The following DMRTC2 variants were observed in gnomAD, a reference collection of about 807,000 sequenced individuals.
The protein encoded by DMRTC2 is doublesex- and mab-3-related transcription factor C2.
Under a neutral mutation model 39.9 loss-of-function variants are expected in DMRTC2, and 13 were observed. The ratio of observed to expected loss-of-function variants is 0.33; its 90% CI spans 0.21 to 0.52. The LOEUF (loss-of-function observed/expected upper bound fraction) is 0.52, where lower values mean the gene tolerates loss of function less well. DMRTC2 is among the 20% of genes least tolerant of loss of function. DMRTC2 has a pLI of 0.96. For synonymous variants in DMRTC2, 189 were observed against 185.2 expected (o/e 1.02, Z -0.17); for missense variants, 431 against 472.8 (o/e 0.91, Z 0.82).
In DMRTC2 at chr19:41,851,938, CTGGGA is replaced by C. The variant is rs1487710837; in HGVS notation, c.*244_*248del. 1 of 526,014 alleles carries C rather than the reference CTGGGA, an allele frequency of 1.9e-6. No homozygotes were observed. The highest frequency in any genetic ancestry group is 3.4e-6 in the Non-Finnish European group (1 of 295,160). 32.6% of individuals were successfully genotyped at this position (526,014 alleles called of 1,614,324 possible). ...GATATTCTTGTACCCTTCTTGGGTC[CTGGGA>C]TCTCTTGAAATCCCCAATAAAGAGA... On this transcript the variant is annotated 3_prime_UTR_variant, in exon 9 of 9. Coordinates refer to ENST00000269945, the MANE Select transcript of DMRTC2 (RefSeq NM_001040283.3).
At chr19:41,846,577 T>A (rs980688173) in intron 1 of DMRTC2, among the ~76,000 whole-genome samples, 6 of 144,738 alleles carry the variant, frequency 4.1e-5, no homozygotes, top group Non-Finnish European at 7.9e-5. Flanking sequence ...AAAAAAAAAT[T>A]TTTTTTTTGA....
chr19:41,849,690 C>T (rs548776129), intron 6 of DMRTC2, among the ~76,000 whole-genome samples: 1 of 152,286 alleles, frequency 6.6e-6, no homozygotes, highest in South Asian at 2.1e-4. Context: ...GCCAAGCTCT[C>T]CTTCAAGTTC....
rs556723231 is a variant in DMRTC2, at chr19:41,849,975, G to T, written c.756-337G>T. ...ACCTGTTTTCCTGGCTACTTAGGAGGCTGAGGTGGGAAGATGGTGTAGGCC... is the reference window on the plus strand; with the variant it reads ...ACCTGTTTTCCTGGCTACTTAGGAGTCTGAGGTGGGAAGATGGTGTAGGCC... On this transcript the variant is annotated intron_variant, in intron 6 of 8. Transcript: ENST00000269945. Among the ~76,000 whole-genome samples, 4 of 152,162 alleles carry T rather than the reference G, an allele frequency of 2.6e-5. No homozygotes were observed. In the South Asian group the frequency reaches 8.3e-4, roughly 32 times the overall value.
chr19:41,848,993 C>A lies in DMRTC2; in HGVS notation c.628+18C>A. The A allele has an allele frequency of 6.2e-7, 1 of 1,613,882 alleles. No individual in the cohort carries two copies. Among genetic ancestry groups the A allele is most frequent in the Non-Finnish European group, 8.5e-7 (1 of 1,179,782 alleles). ...CTTCCCTGGTAAGATGATAATTCAACATTCATTCAACATATATTTGAGTGC... is the reference window on the plus strand; with the variant it reads ...CTTCCCTGGTAAGATGATAATTCAAAATTCATTCAACATATATTTGAGTGC... On this transcript the variant is annotated intron_variant, in intron 5 of 8. Transcript: ENST00000269945.
rs371124095 is a variant in DMRTC2, at chr19:41,851,818, T to G, written c.*122T>G. ...TTAATGTAGTACAAGCTTCGGGCTT[T>G]TTTGTTTGTTTGTTTGTTTGTTTGT... On this transcript the variant is annotated 3_prime_UTR_variant, in exon 9 of 9. Transcript: ENST00000269945. 192 of 853,450 alleles carry G rather than the reference T, an allele frequency of 2.2e-4. 5 individuals carry two copies. In the African/African-American group the frequency reaches 3.1e-3, roughly 14 times the overall value. The allele number at this position is 853,450 out of a possible 1,614,324, so 52.9% of individuals were successfully genotyped here.
intron 3 of DMRTC2, 84 bp from the exon 4 acceptor site, chr19:41,848,368 G>A (rs1555836484): frequency 2.5e-6 from 3 of 1,178,898 alleles, no homozygotes; most frequent in African/African-American, 1.6e-5. Context: ...TGAGCTAGAT[G>A]GGGGAGATGA....
At chr19:41,848,578 C>T (rs376890739) in intron 4 of DMRTC2, 50 bp downstream of exon 4, 76 of 1,413,830 alleles carry the variant, frequency 5.4e-5, no homozygotes, top group Non-Finnish European at 6.6e-5. Flanking sequence ...TAGTTCCTAC[C>T]CAGACCCTTT....
At chr19:41,851,477 A>G (rs2073955840) in intron 8 of DMRTC2, 107 bp from the exon 9 acceptor site, 1 of 917,154 alleles carries the variant, frequency 1.1e-6, no homozygotes, top group Non-Finnish European at 1.7e-6. Flanking sequence ...CTGTGAAATA[A>G]TCCAGGAGAA....
intron 6 of DMRTC2, 168 bp from the exon 7 acceptor site, chr19:41,850,144 C>CA: frequency 1.9e-6 from 1 of 530,846 alleles, no homozygotes; most frequent in Admixed American, 3.1e-5. Flanking sequence ...GAAAAACTGG[C>CA]AAGGATTTTT....
intron 1 of DMRTC2, among the ~76,000 whole-genome samples, chr19:41,846,789 G>A (rs560233662): frequency 1.0e-3 from 155 of 151,874 alleles, no homozygotes; most frequent in Middle Eastern, 3.4e-3. Flanking sequence ...GGATGGTCTC[G>A]ATCTCCTGAC....
Position 41,848,928 on chromosome 19 carries a change from G to T in DMRTC2, c.581G>T (p.Cys194Phe). 3 of 1,613,904 alleles carry T rather than the reference G, an allele frequency of 1.9e-6. No individual in the cohort carries two copies. Among genetic ancestry groups the T allele is most frequent in the Non-Finnish European group, 2.5e-6 (3 of 1,180,050 alleles). ...TTCTCCATGCCACCACCAGTGGTGT[G>T]CCGCCTGCTGTACCAAGAACCTGCT... ...PGFSMPPPVV[C>F]RLLYQEPAVS... Residue 194 changes from cysteine (C) to phenylalanine (F), a missense_variant, in exon 5 of 9, where the codon TGC (cysteine) becomes TTC (phenylalanine). Physicochemically the swap from Cys to Phe is radical, Grantham distance 205. Coordinates refer to ENST00000269945, the MANE Select transcript of DMRTC2 (RefSeq NM_001040283.3).
Position 41,847,537 on chromosome 19 carries a change from A to G in DMRTC2, c.109A>G (p.Ser37Gly), listed in dbSNP as rs781914367. The change falls in exon 2 of 9, where the codon AGC becomes GGC. Residue 37 changes from serine to glycine, a missense_variant. Transcript: ENST00000269945. Reference protein sequence around the residue: ...STELIPRRAISRSPTCARCRN... With the variant: ...STELIPRRAIGRSPTCARCRN... ...AGAGCTGATCCCCAGGAGAGCCATC[A>G]GCCGCTCTCCAACCTGCGCCCGCTG... 22 of 1,614,098 alleles carry G rather than the reference A, an allele frequency of 1.4e-5. No individual in the cohort carries two copies. The highest frequency in any genetic ancestry group is 1.9e-5 in the Non-Finnish European group (22 of 1,180,040).
At chr19:41,851,427 G>A (rs1405166525) in intron 8 of DMRTC2, 157 bp from the exon 9 acceptor site, 1 of 625,908 alleles carries the variant, frequency 1.6e-6, no homozygotes, top group Non-Finnish European at 2.8e-6. Flanking sequence ...GGACGGTTTG[G>A]AGGAGGCAAG....
intron 3 of DMRTC2, 30 bp from the exon 4 acceptor site, chr19:41,848,422 C>T: frequency 6.4e-7 from 1 of 1,573,444 alleles, no homozygotes; most frequent in Non-Finnish European, 8.6e-7. Flanking sequence ...GGAGAAAGGG[C>T]TCATTAGAGC....
intron 1 of DMRTC2, 196 bp from the exon 2 acceptor site, chr19:41,847,229 G>C: frequency 1.0e-6 from 1 of 979,758 alleles, no homozygotes; most frequent in Non-Finnish European, 1.2e-6. Flanking sequence ...AGAGGAAGAG[G>C]AGAGGGGTTT....
intron 1 of DMRTC2, 108 bp from the exon 2 acceptor site, chr19:41,847,317 G>A (rs1600589147): frequency 7.0e-7 from 1 of 1,428,016 alleles, no homozygotes; most frequent in East Asian, 2.5e-5. Flanking sequence ...AATCAGGGCG[G>A]GGTCTAAAGA....
rs1288721990 is a variant in DMRTC2, at chr19:41,852,149, G to A, written c.*453G>A. On this transcript the variant is annotated 3_prime_UTR_variant, in exon 9 of 9. Transcript: ENST00000269945. Reference sequence around the variant, plus strand: ...AGTAAGCAAGAAATAAACCTTTGTTGTTGTAAGCCACTGAGATTTGGAGAG... The same window carrying A: ...AGTAAGCAAGAAATAAACCTTTGTTATTGTAAGCCACTGAGATTTGGAGAG... The A allele has an allele frequency of 6.4e-6, 1 of 156,128 alleles. No homozygotes were observed. The highest frequency in any genetic ancestry group is 2.4e-5 in the African/African-American group (1 of 41,504). 9.7% of individuals were successfully genotyped at this position (156,128 alleles called of 1,614,324 possible).
Position 41,851,986 on chromosome 19 carries a change from C to G in DMRTC2, c.*290C>G, listed in dbSNP as rs1227099603. 2.4e-6 allele frequency: 1 copy of G among 409,034 alleles called. No individual in the cohort carries two copies. Among genetic ancestry groups the G allele is most frequent in the Non-Finnish European group, 4.4e-6 (1 of 224,788 alleles). The allele number at this position is 409,034 out of a possible 1,614,324, so 25.3% of individuals were successfully genotyped here. A position where few individuals can be genotyped will look rare whatever the true frequency, so the allele number is the denominator to read the frequency against. On this transcript the variant is annotated 3_prime_UTR_variant, in exon 9 of 9. Transcript: ENST00000269945. ...TAAAGAGAGAGTTGTGCTATTTAAG[C>G]TGACCAGTATCTATAAACGTGTTTG...
At chr19:41,845,947 G>T (rs2073829894) in intron 1 of DMRTC2, among the ~76,000 whole-genome samples, 2 of 152,156 alleles carry the variant, frequency 1.3e-5, no homozygotes, top group Non-Finnish European at 2.9e-5. Context: ...AGGAGGTGGA[G>T]GCTGCAGTGA....
Sources: allele counts gnomAD v4.1 joint callset (sites outside exome capture counted in the v4.1 genomes callset), GRCh38; gene constraint gnomAD v4.1.1; transcripts MANE v1.5; gene names NCBI Gene and HGNC (gene_info 2026-07-23, HGNC 2026-07-21).